SCLY: variants seen among roughly 807,000 people sequenced by gnomAD.
The protein encoded by SCLY is selenocysteine lyase.
In SCLY, 38 loss-of-function variants were observed where a neutral mutation model predicts 50.1. The observed-to-expected ratio is 0.76, with a 90% CI of 0.59 to 0.99. SCLY has a LOEUF of 0.99. Among genes scored for constraint, SCLY ranks in the 50% least tolerant of loss-of-function variants. SCLY has a pLI of 0.00. For missense variants in SCLY, 600 were observed against 620.0 expected, an observed-to-expected ratio of 0.97 and a Z score of 0.34; for synonymous variants, 243 against 249.4, an observed-to-expected ratio of 0.97 and a Z score of 0.24.
chr2:238,062,945 T>C lies in SCLY; in HGVS notation c.90-1412T>C, dbSNP rs146123870. Among the ~76,000 whole-genome samples, 282 of 152,302 alleles carry C rather than the reference T, an allele frequency of 1.9e-3. 1 individual carries two copies. The highest frequency in any genetic ancestry group is 6.4e-3 in the African/African-American group (266 of 41,542). On this transcript the variant is annotated intron_variant, in intron 1 of 11. Transcript: ENST00000254663. ...TTAGTAAAAAGATATACAGATAAAT[T>C]TTACTTAGTGAGGGATCTTTCAGGG...
intron 4 of SCLY, chr2:238,073,987 A>G (rs1446173699): frequency 3.6e-6 from 1 of 276,316 alleles, no homozygotes; most frequent in Non-Finnish European, 7.2e-6. Context: ...CTTCTAGTCA[A>G]CAGTAGGTTA....
rs368187450 is a variant in SCLY, at chr2:238,077,953, C to CTT, written c.485-3740_485-3739dup. Among the ~76,000 whole-genome samples the CTT allele has an allele frequency of 2.0e-3, 270 of 138,278 alleles. 3 individuals are homozygous for CTT. Among genetic ancestry groups the CTT allele is most frequent in the Admixed American group, 3.1e-3 (44 of 14,132 alleles). The allele number at this position is 138,278 out of a possible 152,430, so 90.7% of individuals were successfully genotyped here. A position where few individuals can be genotyped will look rare whatever the true frequency, so the allele number is the denominator to read the frequency against. The stretch of plus-strand genomic sequence containing the variant: ...GACACATGGGTCTCCTGTAGATTCT[C>CTT]TTTTTTTTTTTTTTTTTAGACGGAA... On this transcript the variant is annotated intron_variant, in intron 4 of 11. Transcript: ENST00000254663.
intron 4 of SCLY, among the ~76,000 whole-genome samples, chr2:238,074,674 G>A (rs1004608712): frequency 3.3e-5 from 5 of 152,014 alleles, no homozygotes; most frequent in Non-Finnish European, 5.9e-5. Flanking sequence ...GTAGAGATGG[G>A]GTTTCACCAT....
chr2:238,069,779 C>T lies in SCLY; in HGVS notation c.484+302C>T, dbSNP rs2065109814. 6.7e-6 allele frequency: 2 copies of T among 297,128 alleles called. No individual in the cohort carries two copies. The highest frequency in any genetic ancestry group is 5.1e-5 in the Admixed American group (1 of 19,420). 18.4% of individuals were successfully genotyped at this position (297,128 alleles called of 1,614,324 possible). ...TTGAGAATGAATATGTAGAACTAGCCATTTGTATAACTGAGTGATATTTGA... is the reference window on the plus strand; with the variant it reads ...TTGAGAATGAATATGTAGAACTAGCTATTTGTATAACTGAGTGATATTTGA... On this transcript the variant is annotated intron_variant, in intron 4 of 11. Transcript: ENST00000254663. The surrounding 1 kb of genome is among the most constrained non-coding windows in gnomAD (Gnocchi z 5.0).
chr2:238,065,660 T>TTTATTATTATTATGA (rs2065063185), intron 2 of SCLY, among the ~76,000 whole-genome samples: 3 of 143,514 alleles, frequency 2.1e-5, no homozygotes, highest in African/African-American at 7.7e-5. Context: ...AATATTTTAT[T>TTTATTATTATTATGA]TTATTATTAT....
chr2:238,062,617 G>A (rs2065028758), intron 1 of SCLY, among the ~76,000 whole-genome samples: 1 of 152,312 alleles, frequency 6.6e-6, no homozygotes, highest in East Asian at 1.9e-4. Flanking sequence ...TCGCCGTGTT[G>A]GCCAGGCTGA....
chr2:238,095,186 TGAGA>T (rs2065415422), intron 10 of SCLY, among the ~76,000 whole-genome samples: 1 of 152,094 alleles, frequency 6.6e-6, no homozygotes, highest in Non-Finnish European at 1.5e-5. Flanking sequence ...ACAGAGTGAG[TGAGA>T]CTCTGTCTCA....
chr2:238,064,934 T>C (rs1219898411), intron 2 of SCLY: 1 of 152,284 alleles, frequency 6.6e-6, no homozygotes, highest in Non-Finnish European at 1.5e-5. Flanking sequence ...TTTATTCTTA[T>C]TGTAATGTAG....
chr2:238,094,501 A>T lies in SCLY; in HGVS notation c.1087A>T (p.Ile363Phe). The change falls in exon 10 of 12, where the codon ATC (isoleucine) becomes TTC (phenylalanine). Residue 363 changes from isoleucine (I) to phenylalanine (F), a missense_variant. Coordinates refer to ENST00000254663, the MANE Select transcript of SCLY (RefSeq NM_016510.7). ...GCTTCCCAATACCTGTAACTTTTCC[A>T]TCCGGGGACCCCGGCTTCAAGGTGA... ...QRLPNTCNFS[I>F]RGPRLQGHVV... The T allele has an allele frequency of 6.2e-7, 1 of 1,614,174 alleles. No homozygotes were observed.
At chr2:238,065,863 C>A (rs1019169632) in intron 2 of SCLY, among the ~76,000 whole-genome samples, 1 of 151,750 alleles carries the variant, frequency 6.6e-6, no homozygotes. Flanking sequence ...TTAGTAGAGA[C>A]GGGGTTTCAC....
intron 7 of SCLY, among the ~76,000 whole-genome samples, chr2:238,084,893 C>CAAAAAAAAA (rs377025100): frequency 8.4e-5 from 9 of 107,490 alleles, no homozygotes; most frequent in East Asian, 2.5e-4. Flanking sequence ...GACTCCATCT[C>CAAAAAAAAA]AAAAAAAAAA....
In SCLY at chr2:238,061,148, G is replaced by A; in HGVS notation, c.89+5G>A. 1 of 1,488,262 alleles carries A rather than the reference G, an allele frequency of 6.7e-7. No individual in the cohort carries two copies. Among genetic ancestry groups the A allele is most frequent in the Middle Eastern group, 1.8e-4 (1 of 5,442 alleles). 92.2% of individuals were successfully genotyped at this position (1,488,262 alleles called of 1,614,324 possible). ...GAAACACAACTCGCCGGAGAGGTGC[G>A]CGCCTTTAGGGCAGGGCTGGGGAGC... On this transcript the variant is annotated splice_donor_5th_base_variant and intron_variant, in intron 1 of 11. Coordinates refer to ENST00000254663, the MANE Select transcript of SCLY (RefSeq NM_016510.7).
intron 11 of SCLY, among the ~76,000 whole-genome samples, chr2:238,097,398 C>T (rs1269525668): frequency 2.1e-5 from 3 of 140,192 alleles, no homozygotes; most frequent in Non-Finnish European, 4.7e-5. Context: ...CTGCTGGCAG[C>T]AGGGGAGAAG....
At chr2:238,061,339 C>T (rs997791006) in intron 1 of SCLY, 196 bp downstream of exon 1, 12 of 703,492 alleles carry the variant, frequency 1.7e-5, no homozygotes, top group South Asian at 6.0e-5. Context: ...CCCGCAAGGG[C>T]CCACGGAGAG....
chr2:238,062,785 C>A (rs1324224266), intron 1 of SCLY, among the ~76,000 whole-genome samples: 2 of 152,264 alleles, frequency 1.3e-5, no homozygotes, highest in Non-Finnish European at 2.9e-5. Flanking sequence ...AGTGGCTTAA[C>A]AGCCACAGTT....
chr2:238,082,116 C>T lies in SCLY; in HGVS notation c.684C>T (p.Ile228=). ...QERVAAGLPP[I]LVHTDAAQAL... ...GGGTGGCAGCTGGGCTACCTCCCAT[C>T]CTCGTGCACACGGATGCTGCACAGG... is the stretch of plus-strand genomic sequence containing the variant. Residue 228 remains isoleucine (I), a synonymous_variant, in exon 6 of 12, where the codon ATC becomes ATT. Transcript: ENST00000254663. 6.2e-7 allele frequency: 1 copy of T among 1,613,506 alleles called. No homozygotes were observed. Among genetic ancestry groups the T allele is most frequent in the Non-Finnish European group, 8.5e-7 (1 of 1,180,022 alleles).
At position 238,069,547 on chromosome 2, in the gene SCLY, G is replaced by A. The variant is rs2065107719; in HGVS notation, c.484+70G>A. Reference sequence around the variant, plus strand: ...AGCTGCGAGGCGGGAAGTGGCCTGCGAGCAGAGCCCGGGATCCGCTGCAGA... The same window carrying A: ...AGCTGCGAGGCGGGAAGTGGCCTGCAAGCAGAGCCCGGGATCCGCTGCAGA... On this transcript the variant is annotated intron_variant, in intron 4 of 11. Transcript: ENST00000254663. This position sits in a 1 kb window ranked among gnomAD's most constrained non-coding sequence, Gnocchi z 5.0. 11 of 1,390,088 alleles carry A rather than the reference G, an allele frequency of 7.9e-6. No homozygotes were observed. In the Admixed American group the frequency reaches 1.0e-4, roughly 13 times the overall value. 86.1% of individuals were successfully genotyped at this position (1,390,088 alleles called of 1,614,324 possible).
intron 3 of SCLY, 119 bp downstream of exon 3, chr2:238,068,284 C>A: frequency 2.6e-6 from 2 of 780,318 alleles, no homozygotes; most frequent in Non-Finnish European, 2.0e-6. Context: ...TGTGGTGGCT[C>A]ATGCCTGTAA....
chr2:238,069,249 T>A lies in SCLY; in HGVS notation c.304-48T>A. The A allele has an allele frequency of 6.4e-7, 1 of 1,563,180 alleles. No individual in the cohort carries two copies. The highest frequency in any genetic ancestry group is 8.7e-7 in the Non-Finnish European group (1 of 1,146,468). ...TAACAGAAATTGTTGCTCTGACCCT[T>A]ACCTCAGCACAGTTTTTGTAAATGC... is the stretch of plus-strand genomic sequence containing the variant. On this transcript the variant is annotated intron_variant, in intron 3 of 11. Coordinates refer to ENST00000254663, the MANE Select transcript of SCLY (RefSeq NM_016510.7). The surrounding 1 kb of genome is among the most constrained non-coding windows in gnomAD (Gnocchi z 5.0).
Sources: gnomAD v4.1 joint callset for allele counts (sites outside exome capture counted in the v4.1 genomes callset) on GRCh38, gnomAD v4.1.1 for gene constraint, Gnocchi (gnomAD v3.1) non-coding constraint, MANE v1.5 for transcripts, NCBI Gene and HGNC (gene_info 2026-07-23, HGNC 2026-07-21) for gene names.